Variants in CCDC180 observed in about 807,000 individuals in gnomAD.
CCDC180 encodes coiled-coil domain containing 180.
CCDC180 carries 154 observed loss-of-function variants against 209.2 expected under a neutral mutation model. That is an observed-to-expected ratio of 0.74 (90% confidence interval 0.65 to 0.84). CCDC180 has a LOEUF of 0.84. CCDC180 is among the 40% of genes least tolerant of loss of function. CCDC180 has a pLI of 0.00. For synonymous variants in CCDC180, 778 were observed against 749.1 expected (o/e 1.04, Z -0.63); for missense variants, 1,874 against 1,997.3 (o/e 0.94, Z 1.18).
chr9:97,362,557 C>T (rs938477975), intron 28 of CCDC180, 116 bp downstream of exon 28: 79 of 1,438,348 alleles, frequency 5.5e-5, no homozygotes, highest in Non-Finnish European at 6.5e-5. Context: ...ATGCTCATGG[C>T]TCTGGGACTC....
intron 27 of CCDC180, 81 bp downstream of exon 27, chr9:97,361,979 C>T: frequency 2.6e-6 from 4 of 1,511,820 alleles, no homozygotes; most frequent in Non-Finnish European, 3.6e-6. Context: ...TTTGGGGCCC[C>T]ACACACTGGG....
intron 19 of CCDC180, among the ~76,000 whole-genome samples, chr9:97,344,317 A>G (rs1801345534): frequency 6.6e-6 from 1 of 152,182 alleles, no homozygotes; most frequent in South Asian, 2.1e-4. Context: ...GCTGGAGACA[A>G]GGAATGAAAG....
chr9:97,320,727 A>G (rs2118603054), intron 11 of CCDC180, among the ~76,000 whole-genome samples: 1 of 152,236 alleles, frequency 6.6e-6, no homozygotes, highest in South Asian at 2.1e-4. Flanking sequence ...ATGTTTCAAA[A>G]TGCTCTATAA....
chr9:97,352,114 A>AAAC (rs3052473), intron 22 of CCDC180, among the ~76,000 whole-genome samples: 16,284 of 150,446 alleles, frequency 0.11, 2,233 homozygotes, highest in African/African-American at 0.32. Flanking sequence ...TTCCATCTCA[A>AAAC]AACAACAACA....
chr9:97,374,737 G>A, intron 35 of CCDC180, 89 bp downstream of exon 35: 5 of 1,020,570 alleles, frequency 4.9e-6, no homozygotes, highest in Admixed American at 2.1e-5. Context: ...GGACTCTGAA[G>A]TCAGACAGAC....
chr9:97,343,600 C>G, intron 19 of CCDC180, 37 bp downstream of exon 19: 1 of 1,388,848 alleles, frequency 7.2e-7, no homozygotes, highest in East Asian at 2.4e-5. Context: ...TCCTGTTGTT[C>G]TGAGTTTTGT....
chr9:97,370,837 G>GC, intron 33 of CCDC180, 59 bp downstream of exon 33: 1 of 1,565,914 alleles, frequency 6.4e-7, no homozygotes, highest in South Asian at 1.2e-5. Flanking sequence ...CCGATGGACA[G>GC]CCACTGACAG....
At position 97,366,116 on chromosome 9, in the gene CCDC180, C is replaced by G. The variant is rs574661503; in HGVS notation, c.4047+377C>G. Among the ~76,000 whole-genome samples, 3 of 152,188 alleles carry G rather than the reference C, an allele frequency of 2.0e-5. No individual in the cohort carries two copies. Among genetic ancestry groups the G allele is most frequent in the Non-Finnish European group, 2.9e-5 (2 of 68,034 alleles). Reference sequence around the variant, plus strand: ...CAGACAAGCTGCCCAGTGCCCTGTTCCCACATGCCCTGCACCGTAGTGCGA... The same window carrying G: ...CAGACAAGCTGCCCAGTGCCCTGTTGCCACATGCCCTGCACCGTAGTGCGA... On this transcript the variant is annotated intron_variant, in intron 30 of 36. Coordinates refer to ENST00000529487, the MANE Select transcript of CCDC180 (RefSeq NM_020893.6). The surrounding 1 kb of genome is among the most constrained non-coding windows in gnomAD (Gnocchi z 4.3).
intron 18 of CCDC180, among the ~76,000 whole-genome samples, chr9:97,340,715 C>T (rs773716990): frequency 3.9e-5 from 6 of 152,188 alleles, no homozygotes; most frequent in African/African-American, 1.4e-4. Context: ...TCTGGGAAGA[C>T]GCCTGTTGCC....
rs147529206 is a variant in CCDC180, at chr9:97,309,572, C to T, written c.228C>T (p.Asn76=). 285 of 1,588,732 alleles carry T rather than the reference C, an allele frequency of 1.8e-4. No individual in the cohort carries two copies. The highest frequency in any genetic ancestry group is 3.3e-4 in the Middle Eastern group (2 of 6,002). The change falls in exon 3 of 37, where the codon AAC becomes AAT. Residue 76 remains asparagine (N), a synonymous_variant. Coordinates refer to ENST00000529487, the MANE Select transcript of CCDC180 (RefSeq NM_020893.6). ...AGAAGTGGATGCACAGCCTCCCCAA[C>T]GACTGGATCATGGAAAACCCTGTTC... ...RQQKWMHSLP[N]DWIMENPVLH...
rs769153345 is a variant in CCDC180 at position 97,371,718 on chromosome 9, C to T, written c.4600+12C>T. 2 of 1,559,676 alleles carry T rather than the reference C, an allele frequency of 1.3e-6. No homozygotes were observed. Among genetic ancestry groups the T allele is most frequent in the Non-Finnish European group, 1.8e-6 (2 of 1,135,410 alleles). ...TGTCCAGGTTGCAAGTAAGAGGCAC[C>T]ACCAGCCTTGTGTCATGGCCCTGGG... On this transcript the variant is annotated intron_variant, in intron 34 of 36. Coordinates refer to ENST00000529487, the MANE Select transcript of CCDC180 (RefSeq NM_020893.6).
chr9:97,368,770 C>T (rs1276443115), intron 31 of CCDC180, among the ~76,000 whole-genome samples: 1 of 152,156 alleles, frequency 6.6e-6, no homozygotes, highest in Admixed American at 6.5e-5. Flanking sequence ...GAAAATCTAT[C>T]TTCAGTTCAG....
intron 36 of CCDC180, 178 bp downstream of exon 36, chr9:97,375,767 G>A (rs1032089863): frequency 6.3e-5 from 45 of 717,806 alleles, no homozygotes; most frequent in African/African-American, 2.7e-4. Context: ...TCACAGGCAC[G>A]AGGACATTAA....
At chr9:97,370,547 T>G (rs2306090) in intron 32 of CCDC180, 94 bp from the exon 33 acceptor site, 1 of 1,422,996 alleles carries the variant, frequency 7.0e-7, no homozygotes, top group Non-Finnish European at 9.7e-7. Context: ...TCAGAGGACA[T>G]GAGTCTGGCC....
chr9:97,331,966 T>C (rs1311531279), intron 18 of CCDC180, among the ~76,000 whole-genome samples: 3 of 152,238 alleles, frequency 2.0e-5, no homozygotes, highest in African/African-American at 7.2e-5. Flanking sequence ...TCATGAAATC[T>C]TTGCCAAGTC....
At chr9:97,336,624 T>C (rs1312581571) in intron 18 of CCDC180, among the ~76,000 whole-genome samples, 1 of 152,218 alleles carries the variant, frequency 6.6e-6, no homozygotes, top group Non-Finnish European at 1.5e-5. Context: ...TCTTTTTGCT[T>C]AGGATTGTCT....
intron 26 of CCDC180, among the ~76,000 whole-genome samples, chr9:97,360,804 C>G (rs1826730983): frequency 6.6e-6 from 1 of 152,196 alleles, no homozygotes; most frequent in Admixed American, 6.5e-5. Context: ...AGACTGCAAG[C>G]CTCTATGGGC....
chr9:97,354,784 G>T, intron 23 of CCDC180, 71 bp downstream of exon 23: 1 of 1,599,940 alleles, frequency 6.3e-7, no homozygotes, highest in East Asian at 2.2e-5. Context: ...TCTGAAGGGA[G>T]GGCCAAGCCC....
intron 19 of CCDC180, chr9:97,345,566 T>C: frequency 2.4e-6 from 1 of 420,462 alleles, no homozygotes. Flanking sequence ...TTTCTGTCTT[T>C]TTTTTATTAA....
Sources: allele counts gnomAD v4.1 joint callset (sites outside exome capture counted in the v4.1 genomes callset), GRCh38; gene constraint gnomAD v4.1.1; non-coding constraint Gnocchi (gnomAD v3.1); transcripts MANE v1.5; gene names NCBI Gene and HGNC (gene_info 2026-07-23, HGNC 2026-07-21).